SRGAP3: variants seen among roughly 807,000 people sequenced by gnomAD.
The protein encoded by SRGAP3 is SLIT-ROBO Rho GTPase activating protein 3.
In SRGAP3, 39 loss-of-function variants were observed where a neutral mutation model predicts 121.1. That is an observed-to-expected ratio of 0.32 (90% CI 0.25 to 0.42). The LOEUF is 0.42. Ranked by LOEUF, SRGAP3 falls within the 10% of genes least tolerant of loss-of-function variation. The pLI is 1.00. For synonymous variants in SRGAP3, 601 were observed against 570.0 expected, an observed-to-expected ratio of 1.05 and a Z score of -0.77; for missense variants, 1,213 against 1,470.6, an observed-to-expected ratio of 0.82 and a Z score of 2.86.
intron 3 of SRGAP3, among the ~76,000 whole-genome samples, chr3:9,276,377 A>C (rs1226689847): frequency 6.6e-6 from 1 of 151,004 alleles, no homozygotes; most frequent in Non-Finnish European, 1.5e-5. Flanking sequence ...ATTGGCATCC[A>C]GACCCTGACT....
intron 2 of SRGAP3, among the ~76,000 whole-genome samples, chr3:9,107,567 C>G (rs1010897832): frequency 6.6e-6 from 1 of 152,208 alleles, no homozygotes; most frequent in African/African-American, 2.4e-5. Context: ...TAGAGAACAC[C>G]CCGTTGACCA....
At chr3:8,990,873 C>T in intron 20 of SRGAP3, 34 bp from the exon 21 acceptor site, 1 of 1,473,200 alleles carries the variant, frequency 6.8e-7, no homozygotes, top group Non-Finnish European at 8.9e-7. Flanking sequence ...GGGCATGGGG[C>T]AGAGGTCAAG....
At chr3:9,265,301 G>T (rs1214451805) in intron 3 of SRGAP3, among the ~76,000 whole-genome samples, 3 of 152,084 alleles carry the variant, frequency 2.0e-5, no homozygotes, top group Admixed American at 6.6e-5. Context: ...TACTATTCAG[G>T]ACATAGGCAT....
At chr3:9,338,195 G>T (rs116403086) in intron 1 of SRGAP3, among the ~76,000 whole-genome samples, 6 of 152,284 alleles carry the variant, frequency 3.9e-5, no homozygotes, top group African/African-American at 9.6e-5. Context: ...TTGCACTTGG[G>T]GGGGAATGGG....
Position 9,045,191 on chromosome 3 carries a change from TA to T in SRGAP3, c.1408+2199del, listed in dbSNP as rs566506713. On this transcript the variant is annotated intron_variant, in intron 10 of 21. Transcript: ENST00000383836. ...CTGTTTTAAAAGAGAAAGTTTACTT[TA>T]AAAAAAAAAAAAAAAAACTTCTGTA... Among the ~76,000 whole-genome samples the T allele has an allele frequency of 8.8e-3, 1,221 of 138,954 alleles. 9 individuals are homozygous for T. Among genetic ancestry groups the T allele is most frequent in the African/African-American group, 0.02 (745 of 37,742 alleles). 91.2% of individuals were successfully genotyped at this position (138,954 alleles called of 152,430 possible). A position where few individuals can be genotyped will look rare whatever the true frequency, so the allele number is the denominator to read the frequency against.
intron 1 of SRGAP3, among the ~76,000 whole-genome samples, chr3:9,213,629 T>G (rs1413703579): frequency 6.6e-6 from 1 of 152,162 alleles, no homozygotes; most frequent in African/African-American, 2.4e-5. Context: ...GGAGGAGAGA[T>G]CTTTCTAAAC....
At chr3:9,047,866 C>T (rs1017873156) in intron 9 of SRGAP3, among the ~76,000 whole-genome samples, 1 of 152,222 alleles carries the variant, frequency 6.6e-6, no homozygotes, top group Non-Finnish European at 1.5e-5. Flanking sequence ...GGAGCCGTCC[C>T]AGGGGCCACG....
Position 9,327,547 on chromosome 3 carries a change from T to A in SRGAP3, n.284-1379A>T, listed in dbSNP as rs73811470. ...TACAATGTTAACTCTTAGCAACTTTTACTTTTGGTGAAAATCTTGGTAAGT... is the reference window on the plus strand; with the variant it reads ...TACAATGTTAACTCTTAGCAACTTTAACTTTTGGTGAAAATCTTGGTAAGT... On this transcript the variant is annotated intron_variant and non_coding_transcript_variant, in intron 2 of 3. Transcript: ENST00000490889. 4.3e-3 allele frequency among the ~76,000 whole-genome samples: 648 copies of A among 152,376 alleles called. 4 individuals carry two copies. The highest frequency in any genetic ancestry group is 0.014 in the African/African-American group (588 of 41,594).
intron 7 of SRGAP3, 146 bp from the exon 8 acceptor site, chr3:9,056,480 G>T: frequency 1.2e-6 from 1 of 810,232 alleles, no homozygotes. Context: ...AGGTCACAGA[G>T]CTCATAAGTG....
chr3:9,114,601 GT>G (rs1024028424), intron 2 of SRGAP3, among the ~76,000 whole-genome samples: 9 of 152,180 alleles, frequency 5.9e-5, no homozygotes, highest in Non-Finnish European at 1.2e-4. Flanking sequence ...GGTGTCTGGT[GT>G]CCAGCAGCAC....
At chr3:9,238,841 G>A (rs1559234860) in intron 1 of SRGAP3, among the ~76,000 whole-genome samples, 1 of 152,150 alleles carries the variant, frequency 6.6e-6, no homozygotes, top group Non-Finnish European at 1.5e-5. Context: ...CCAGCAAATT[G>A]CATGGAAGGA....
At chr3:9,223,282 G>T (rs145184313) in intron 1 of SRGAP3, among the ~76,000 whole-genome samples, 261 of 152,274 alleles carry the variant, frequency 1.7e-3, no homozygotes, top group Admixed American at 0.011. Context: ...AGCCTAAAAT[G>T]TTTATCACCT....
intron 18 of SRGAP3, among the ~76,000 whole-genome samples, chr3:9,004,192 T>C (rs1942931979): frequency 6.6e-6 from 1 of 152,130 alleles, no homozygotes; most frequent in Non-Finnish European, 1.5e-5. Flanking sequence ...CAAAATCTAA[T>C]ATCCTTTCAA....
chr3:9,274,089 A>G (rs1421492116), intron 3 of SRGAP3, among the ~76,000 whole-genome samples: 2 of 152,208 alleles, frequency 1.3e-5, no homozygotes, highest in African/African-American at 4.8e-5. Flanking sequence ...TCTTGAGAGC[A>G]GAGACCATGT....
intron 1 of SRGAP3, among the ~76,000 whole-genome samples, chr3:9,350,435 G>C (rs1278822424): frequency 2.0e-5 from 3 of 152,178 alleles, no homozygotes; most frequent in Non-Finnish European, 4.4e-5. Context: ...AGGAGAAGAA[G>C]GTTAGAGTAA....
At chr3:9,279,564 A>G (rs1954641458) in intron 3 of SRGAP3, among the ~76,000 whole-genome samples, 1 of 133,452 alleles carries the variant, frequency 7.5e-6, no homozygotes, top group South Asian at 2.4e-4. Flanking sequence ...CCCAGGCTGG[A>G]GTGCAGTGGC....
chr3:9,020,250 G>A lies in SRGAP3; in HGVS notation c.1679-4519C>T, dbSNP rs147752040. Among the ~76,000 whole-genome samples, 332 of 152,194 alleles carry A rather than the reference G, an allele frequency of 2.2e-3. 1 individual carries two copies. Among genetic ancestry groups the A allele is most frequent in the African/African-American group, 6.1e-3 (253 of 41,534 alleles). On this transcript the variant is annotated intron_variant, in intron 14 of 21. Coordinates refer to ENST00000383836, the MANE Select transcript of SRGAP3 (RefSeq NM_014850.4). ...TCTGCATCTATGCCTGCTTATGTAG[G>A]TAGGTATATATTTACCTACTTTCCT...
chr3:9,341,138 A>T (rs551054463), intron 1 of SRGAP3, among the ~76,000 whole-genome samples: 1 of 152,312 alleles, frequency 6.6e-6, no homozygotes, highest in Non-Finnish European at 1.5e-5. Flanking sequence ...TACCTCATAT[A>T]ACCCTAATTA....
chr3:9,067,368 T>C (rs1376527906), intron 4 of SRGAP3, among the ~76,000 whole-genome samples: 1 of 152,156 alleles, frequency 6.6e-6, no homozygotes, highest in Non-Finnish European at 1.5e-5. Context: ...TCATGGGTCT[T>C]GGTGGAAAGA....
Sources: gnomAD v4.1 joint callset for allele counts (sites outside exome capture counted in the v4.1 genomes callset) on GRCh38, gnomAD v4.1.1 for gene constraint, MANE v1.5 for transcripts, NCBI Gene and HGNC (gene_info 2026-07-23, HGNC 2026-07-21) for gene names.